MEP1B: variants seen among roughly 807,000 people sequenced by gnomAD.
MEP1B encodes N-benzoyl-L-tyrosyl-P-amino-benzoic acid hydrolase subunit beta.
In MEP1B, 80 loss-of-function variants were observed where a neutral mutation model predicts 84.6. The observed-to-expected ratio is 0.95, with a 90% CI of 0.79 to 1.14. The LOEUF is 1.14. MEP1B is among the 50% of genes most tolerant of loss of function. The pLI, the probability that MEP1B is intolerant of heterozygous loss-of-function variation, is 0.00. For synonymous variants in MEP1B, 273 were observed against 288.1 expected (o/e 0.95, Z 0.53); for missense variants, 766 against 855.1 (o/e 0.90, Z 1.30).
At chr18:32,212,028 GAAT>G (rs1166062817) in intron 10 of MEP1B, among the ~76,000 whole-genome samples, 1 of 147,164 alleles carries the variant, frequency 6.8e-6, no homozygotes, top group Admixed American at 6.8e-5. Flanking sequence ...AATATATAAA[GAAT>G]AATTATATAT....
chr18:32,219,470 G>A (rs1315045244), intron 14 of MEP1B, among the ~76,000 whole-genome samples: 1 of 152,276 alleles, frequency 6.6e-6, no homozygotes. Flanking sequence ...TGGCCTGGTA[G>A]GTCAACCTGA....
chr18:32,213,561 T>G lies in MEP1B; in HGVS notation c.1579+2T>G. 1 of 1,601,110 alleles carries G rather than the reference T, an allele frequency of 6.2e-7. No homozygotes were observed. Among genetic ancestry groups the G allele is most frequent in the South Asian group, 1.1e-5 (1 of 90,802 alleles). On this transcript the variant is annotated splice_donor_variant, in intron 11 of 14. Coordinates refer to ENST00000269202, the MANE Select transcript of MEP1B (RefSeq NM_005925.3). LOFTEE classifies it high-confidence loss of function. ...CTACAGACCCATTTATGACCACCGG[T>G]TCGTAACTCATTTTCTTTATTGCTA...
intron 9 of MEP1B, among the ~76,000 whole-genome samples, chr18:32,209,623 ATCAGGT>A (rs1430966583): frequency 1.3e-5 from 2 of 152,132 alleles, no homozygotes; most frequent in African/African-American, 4.8e-5. Context: ...CTCTGAAATT[ATCAGGT>A]TCAGTTATTC....
At chr18:32,203,057 T>G (rs1220468853) in intron 6 of MEP1B, 47 bp downstream of exon 6, 1 of 1,091,572 alleles carries the variant, frequency 9.2e-7, no homozygotes, top group Non-Finnish European at 1.4e-6. Context: ...AGAACTCTAG[T>G]GCCTGGGACA....
intron 6 of MEP1B, 111 bp from the exon 7 acceptor site, chr18:32,204,071 C>A: frequency 2.3e-6 from 2 of 866,046 alleles, no homozygotes; most frequent in Non-Finnish European, 3.7e-6. Context: ...GATGTAAGAG[C>A]AAAGGTGGGT....
In MEP1B at chr18:32,213,125, C is replaced by T; in HGVS notation, c.1145C>T (p.Thr382Ile). Reference protein sequence around the residue: ...TLVEEIKEIPTGSWQLYHVTL... With the variant: ...TLVEEIKEIPIGSWQLYHVTL... ...AATGACTCTTTTGCAGAAATACCCACTGGGAGCTGGCAACTTTATCATGTA... is the reference window on the plus strand; with the variant it reads ...AATGACTCTTTTGCAGAAATACCCATTGGGAGCTGGCAACTTTATCATGTA... The change falls in exon 11 of 15, where the codon ACT becomes ATT. Residue 382 changes from threonine (T) to isoleucine (I), a missense_variant. By Grantham distance (89) the Thr-to-Ile change is moderately conservative. Transcript: ENST00000269202. 1 of 1,612,962 alleles carries T rather than the reference C, an allele frequency of 6.2e-7. No homozygotes were observed. The highest frequency in any genetic ancestry group is 8.5e-7 in the Non-Finnish European group (1 of 1,179,004).
chr18:32,199,040 C>T (rs16962815), intron 5 of MEP1B, among the ~76,000 whole-genome samples: 57,603 of 151,852 alleles, frequency 0.38, 11,307 homozygotes, highest in African/African-American at 0.47. Context: ...GGCATGGTAA[C>T]GTCTTCAACA....
chr18:32,213,100 A>G lies in MEP1B; in HGVS notation c.1136-16A>G. ...TGAACTTCTTTGTCTTTGAAATAAT[A>G]ATGACTCTTTTGCAGAAATACCCAC... is the stretch of plus-strand genomic sequence containing the variant. On this transcript the variant is annotated splice_polypyrimidine_tract_variant and intron_variant, in intron 10 of 14. Coordinates refer to ENST00000269202, the MANE Select transcript of MEP1B (RefSeq NM_005925.3). 6.2e-7 allele frequency: 1 copy of G among 1,604,474 alleles called. No homozygotes were observed. Among genetic ancestry groups the G allele is most frequent in the South Asian group, 1.1e-5 (1 of 90,604 alleles).
chr18:32,193,063 A>T (rs1183414754), intron 4 of MEP1B, among the ~76,000 whole-genome samples: 9 of 152,140 alleles, frequency 5.9e-5, no homozygotes, highest in Non-Finnish European at 1.3e-4. Context: ...CATATGTCTT[A>T]GTCTTATTGA....
chr18:32,210,526 T>C lies in MEP1B; in HGVS notation c.945T>C (p.Asp315=), dbSNP rs767387224. 40 of 1,613,810 alleles carry C rather than the reference T, an allele frequency of 2.5e-5. No homozygotes were observed. Among genetic ancestry groups the C allele is most frequent in the Non-Finnish European group, 3.1e-5 (36 of 1,179,834 alleles). ...GTTCTGGTTTCTTCATGCATTTCGATAGCAGCTCTGTAAATGTGGGGGCCA... is the reference window on the plus strand; with the variant it reads ...GTTCTGGTTTCTTCATGCATTTCGACAGCAGCTCTGTAAATGTGGGGGCCA... The part of the protein sequence containing the change: ...CQGSGFFMHF[D]SSSVNVGATA... Residue 315 remains aspartate (D), a synonymous_variant, in exon 10 of 15, where the codon GAT becomes GAC. Transcript: ENST00000269202.
chr18:32,212,970 C>T, intron 10 of MEP1B, 146 bp from the exon 11 acceptor site: 1 of 699,356 alleles, frequency 1.4e-6, no homozygotes, highest in Non-Finnish European at 2.4e-6. Flanking sequence ...TAATTCTAGG[C>T]TGGAGCTTTG....
chr18:32,215,261 G>T lies in MEP1B; in HGVS notation c.1759G>T (p.Asp587Tyr). 1.3e-6 allele frequency: 2 copies of T among 1,546,956 alleles called. No homozygotes were observed. Among genetic ancestry groups the T allele is most frequent in the South Asian group, 1.2e-5 (1 of 81,308 alleles). The stretch of plus-strand genomic sequence containing the variant: ...TGTTTATATCCTACTGACAGTGGAA[G>T]GTATGTCAATAAAAATAGTTTTATA... ...DDVYILLTVE[D>Y]ISHLNSTQIQ... Residue 587 changes from aspartate to tyrosine, a missense_variant and splice_region_variant, in exon 12 of 15, where the codon GAC becomes TAC. By Grantham distance (160) the Asp-to-Tyr change is radical. Transcript: ENST00000269202.
chr18:32,202,961 A>C lies in MEP1B; in HGVS notation c.319A>C (p.Lys107Gln). 3 of 1,612,814 alleles carry C rather than the reference A, an allele frequency of 1.9e-6. No individual in the cohort carries two copies. The highest frequency in any genetic ancestry group is 2.5e-6 in the Non-Finnish European group (3 of 1,179,412). The part of the protein sequence containing the change: ...RYRLKTCIDF[K>Q]PWAGETNYIS... ...TCGCCTTAAAACATGTATTGACTTT[A>C]AGCCTTGGGCTGGAGAAACAAACTA... The change falls in exon 6 of 15, where the codon AAG (lysine) becomes CAG (glutamine). Residue 107 changes from lysine to glutamine, a missense_variant. Transcript: ENST00000269202.
chr18:32,190,476 G>C (rs1204698476), intron 1 of MEP1B, among the ~76,000 whole-genome samples: 1 of 152,128 alleles, frequency 6.6e-6, no homozygotes, highest in Admixed American at 6.5e-5. Context: ...ACATGAATGA[G>C]TGTCACAGGC....
At chr18:32,193,916 C>T (rs945123533) in intron 4 of MEP1B, among the ~76,000 whole-genome samples, 25 of 152,136 alleles carry the variant, frequency 1.6e-4, no homozygotes, top group African/African-American at 6.0e-4. Context: ...CTCTCCTTTC[C>T]CTGAGCTCCA....
intron 11 of MEP1B, among the ~76,000 whole-genome samples, chr18:32,214,022 G>A (rs2041058119): frequency 6.6e-6 from 1 of 152,152 alleles, no homozygotes; most frequent in Admixed American, 6.5e-5. Context: ...AAAGGCCTGC[G>A]GTGGAGAGGC....
In MEP1B at chr18:32,195,421, T is replaced by G. The variant is rs896722133; in HGVS notation, c.186T>G (p.Asn62Lys). The change falls in exon 5 of 15, where the codon AAT (asparagine) becomes AAG (lysine). Residue 62 changes from asparagine to lysine, a missense_variant. Coordinates refer to ENST00000269202, the MANE Select transcript of MEP1B (RefSeq NM_005925.3). ...DIRLDRAQIR[N>K]SIIGEKYRWP... is the part of the protein sequence containing the mutation. ...ATTTTTGACAGGCACAAATTAGAAA[T>G]TCCATCATTGGAGAAAAGTATAGAT... 1 of 1,611,230 alleles carries G rather than the reference T, an allele frequency of 6.2e-7. No homozygotes were observed.
chr18:32,207,611 C>CCTG, intron 8 of MEP1B, 141 bp downstream of exon 8: 1 of 639,932 alleles, frequency 1.6e-6, no homozygotes, highest in Non-Finnish European at 2.7e-6. Context: ...CAGAATAGCA[C>CCTG]TCAGATCTCA....
At chr18:32,209,078 G>A (rs1338400188) in intron 9 of MEP1B, among the ~76,000 whole-genome samples, 2 of 152,156 alleles carry the variant, frequency 1.3e-5, no homozygotes, top group East Asian at 3.8e-4. Flanking sequence ...CTGTGGTAAG[G>A]GAAAGGTTCC....
Sources: allele counts gnomAD v4.1 joint callset (sites outside exome capture counted in the v4.1 genomes callset), GRCh38; gene constraint gnomAD v4.1.1; transcripts MANE v1.5; gene names NCBI Gene and HGNC (gene_info 2026-07-23, HGNC 2026-07-21).